IQGAP2: variants seen among roughly 807,000 people sequenced by gnomAD.
IQGAP2 encodes ras GTPase-activating-like protein IQGAP2.
A neutral mutation model predicts 201.3 loss-of-function variants in IQGAP2; 173 were observed. That is an observed-to-expected ratio of 0.86 (90% confidence interval 0.76 to 0.98). IQGAP2 has a LOEUF of 0.98. Ranked by LOEUF, IQGAP2 falls within the 50% of genes least tolerant of loss-of-function variation. The pLI is 0.00. For missense variants in IQGAP2, 1,687 were observed against 1,864.8 expected (o/e 0.90, Z 1.76); for synonymous variants, 675 against 673.9 (o/e 1.00, Z -0.03).
chr5:76,421,943 G>A (rs1447276834), intron 1 of IQGAP2, among the ~76,000 whole-genome samples: 1 of 152,174 alleles, frequency 6.6e-6, no homozygotes, highest in Non-Finnish European at 1.5e-5. Flanking sequence ...GCTATAAAAT[G>A]GGGATAATAA....
At chr5:76,451,642 G>A (rs1753753343) in intron 1 of IQGAP2, among the ~76,000 whole-genome samples, 1 of 152,196 alleles carries the variant, frequency 6.6e-6, no homozygotes, top group African/African-American at 2.4e-5. Flanking sequence ...TAGAAGTTCA[G>A]ATAGATCAGT....
chr5:76,495,573 T>G (rs1235641341), intron 2 of IQGAP2, among the ~76,000 whole-genome samples: 55 of 152,192 alleles, frequency 3.6e-4, no homozygotes, highest in Admixed American at 3.5e-3. Flanking sequence ...TAATTCATTC[T>G]TGAGTCACTA....
intron 1 of IQGAP2, among the ~76,000 whole-genome samples, chr5:76,445,171 G>A (rs1753302186): frequency 6.6e-6 from 1 of 152,088 alleles, no homozygotes; most frequent in African/African-American, 2.4e-5. Context: ...TGAAATGATT[G>A]GCCAATCCCA....
intron 17 of IQGAP2, among the ~76,000 whole-genome samples, chr5:76,643,851 G>A (rs1409875116): frequency 1.3e-5 from 2 of 152,126 alleles, no homozygotes; most frequent in East Asian, 1.9e-4. Context: ...TGGGCCAAGA[G>A]GAAGGGGATG....
chr5:76,533,975 T>A (rs185082312), intron 2 of IQGAP2, among the ~76,000 whole-genome samples: 121 of 152,338 alleles, frequency 7.9e-4, no homozygotes, highest in African/African-American at 2.7e-3. Flanking sequence ...TTGGACTACA[T>A]CAAAGGCACG....
intron 13 of IQGAP2, chr5:76,615,952 A>C (rs1450243279): frequency 6.6e-6 from 1 of 152,618 alleles, no homozygotes; most frequent in African/African-American, 2.4e-5. Flanking sequence ...GTACGAAGTT[A>C]ATGGGCTTTC....
chr5:76,465,715 T>C (rs907445952), intron 2 of IQGAP2, among the ~76,000 whole-genome samples: 1 of 152,102 alleles, frequency 6.6e-6, no homozygotes, highest in Non-Finnish European at 1.5e-5. Flanking sequence ...TAGGGGAGTG[T>C]GTAAAAATGG....
At chr5:76,619,134 T>G (rs1038141934) in intron 13 of IQGAP2, among the ~76,000 whole-genome samples, 2 of 152,234 alleles carry the variant, frequency 1.3e-5, no homozygotes. Flanking sequence ...TAAGTTGATT[T>G]AGCAAATTTT....
chr5:76,626,820 C>T (rs577615807), intron 13 of IQGAP2, among the ~76,000 whole-genome samples: 18 of 152,114 alleles, frequency 1.2e-4, no homozygotes, highest in African/African-American at 4.3e-4. Flanking sequence ...GAGTAGGTAG[C>T]ATTTGAGTTG....
intron 23 of IQGAP2, among the ~76,000 whole-genome samples, chr5:76,670,391 G>A (rs1222198543): frequency 6.6e-6 from 1 of 152,134 alleles, no homozygotes; most frequent in African/African-American, 2.4e-5. Context: ...GCGGGCGCCT[G>A]TAGTCCCAGC....
At chr5:76,443,626 A>G (rs368829624) in intron 1 of IQGAP2, among the ~76,000 whole-genome samples, 1 of 152,126 alleles carries the variant, frequency 6.6e-6, no homozygotes, top group Non-Finnish European at 1.5e-5. Flanking sequence ...CTCTGAAAAT[A>G]AAGCCGTCTC....
At chr5:76,546,347 A>C (rs531337107) in intron 2 of IQGAP2, among the ~76,000 whole-genome samples, 13 of 152,248 alleles carry the variant, frequency 8.5e-5, no homozygotes, top group African/African-American at 3.1e-4. Flanking sequence ...GAGGCAGGAG[A>C]ATCCTCGAAC....
At chr5:76,438,863 GT>G (rs1169428368) in intron 1 of IQGAP2, among the ~76,000 whole-genome samples, 2 of 151,946 alleles carry the variant, frequency 1.3e-5, no homozygotes, top group African/African-American at 4.8e-5. Context: ...TTTCACTGAC[GT>G]TTTGTATTTT....
chr5:76,575,953 G>A (rs1745442602), intron 5 of IQGAP2, among the ~76,000 whole-genome samples, 184 bp downstream of exon 5: 1 of 152,120 alleles, frequency 6.6e-6, no homozygotes, highest in South Asian at 2.1e-4. Context: ...TCTTGAACTT[G>A]AAAAATGTTT....
intron 1 of IQGAP2, among the ~76,000 whole-genome samples, chr5:76,431,196 CT>C (rs1752350027): frequency 6.6e-6 from 1 of 151,918 alleles, no homozygotes; most frequent in Non-Finnish European, 1.5e-5. Flanking sequence ...CCACTTCTCA[CT>C]CTATAGTTCT....
chr5:76,418,525 CTG>C lies in IQGAP2; in HGVS notation c.46+14936_46+14937del, dbSNP rs1333597757. Among the ~76,000 whole-genome samples the C allele has an allele frequency of 2.7e-5, 4 of 150,938 alleles. No individual in the cohort carries two copies. The East Asian group carries it at 7.8e-4, about 29-fold the overall frequency. On this transcript the variant is annotated intron_variant, in intron 1 of 35. Coordinates refer to ENST00000274364, the MANE Select transcript of IQGAP2 (RefSeq NM_006633.5). ...CCAGCCTGGGCAATGTCAGGAGACTCTGTTTCTACAAAAAATCTTTAAAAATT... is the reference window on the plus strand; with the variant it reads ...CCAGCCTGGGCAATGTCAGGAGACTCTTTCTACAAAAAATCTTTAAAAATT...
chr5:76,653,900 T>A (rs1465535820), intron 18 of IQGAP2, among the ~76,000 whole-genome samples: 2 of 152,226 alleles, frequency 1.3e-5, no homozygotes, highest in African/African-American at 4.8e-5. Context: ...CCCTTCTGGC[T>A]TTTATTTACT....
At chr5:76,565,396 AC>A (rs920703410) in intron 3 of IQGAP2, among the ~76,000 whole-genome samples, 5 of 152,018 alleles carry the variant, frequency 3.3e-5, no homozygotes, top group Non-Finnish European at 1.5e-5. Context: ...CTTTTGTGCT[AC>A]CCCCTTCTCT....
At chr5:76,563,141 G>A (rs1470083715) in intron 3 of IQGAP2, among the ~76,000 whole-genome samples, 2 of 152,124 alleles carry the variant, frequency 1.3e-5, no homozygotes, top group Admixed American at 1.3e-4. Context: ...AAGGTAGGAG[G>A]ATTGCTTGAG....
Sources: gnomAD v4.1 joint callset for allele counts (sites outside exome capture counted in the v4.1 genomes callset) on GRCh38, gnomAD v4.1.1 for gene constraint, MANE v1.5 for transcripts, NCBI Gene and HGNC (gene_info 2026-07-23, HGNC 2026-07-21) for gene names.